The following TMPRSS15 variants were observed in gnomAD, a reference collection of about 807,000 sequenced individuals.
TMPRSS15 encodes the protein transmembrane serine protease 15, also known as enteropeptidase.
Under a neutral mutation model 125.3 loss-of-function variants are expected in TMPRSS15, and 128 were observed. The observed-to-expected ratio is 1.02, with a 90% CI of 0.89 to 1.18. The LOEUF is 1.18. Ranked by LOEUF, TMPRSS15 falls within the 50% of genes most tolerant of loss-of-function variation. The probability of loss-of-function intolerance (pLI) is 0.00; values close to 1 mark genes in which losing one functional copy is unlikely to be tolerated. For synonymous variants in TMPRSS15, 446 were observed against 423.2 expected (o/e 1.05, Z -0.66); for missense variants, 1,283 against 1,212.7 (o/e 1.06, Z -0.86).
At chr21:18,463,246 CAAAAAAAAAAAAAAAAAA>C (rs57033426) in intron 1 of TMPRSS15, among the ~76,000 whole-genome samples, 1 of 11,518 alleles carries the variant, frequency 8.7e-5, no homozygotes, top group Non-Finnish European at 1.7e-4. Flanking sequence ...AAATGGAAAG[CAAAAAAAAAAAAAAAAAA>C]AAAAAAAAAA....
intron 24 of TMPRSS15, among the ~76,000 whole-genome samples, chr21:18,271,894 C>A (rs1445487459): frequency 1.3e-5 from 2 of 152,076 alleles, no homozygotes; most frequent in Non-Finnish European, 2.9e-5. Context: ...CATGTCCCTG[C>A]AAATGACGTG....
intron 1 of TMPRSS15, among the ~76,000 whole-genome samples, chr21:18,408,959 T>C (rs1006550841): frequency 6.6e-6 from 1 of 152,072 alleles, no homozygotes; most frequent in African/African-American, 2.4e-5. Flanking sequence ...CAATTTTAAT[T>C]GAGTATGTAT....
upstream of TMPRSS15, among the ~76,000 whole-genome samples, chr21:18,407,141 T>C (rs949276643): frequency 2.6e-5 from 4 of 152,114 alleles, no homozygotes; most frequent in Admixed American, 2.6e-4. Context: ...AAAATCCGTA[T>C]GATGGTTACT....
intron 6 of TMPRSS15, among the ~76,000 whole-genome samples, chr21:18,368,172 TA>T (rs891774932): frequency 2.0e-5 from 3 of 152,188 alleles, no homozygotes; most frequent in Non-Finnish European, 4.4e-5. Flanking sequence ...GTAAAGCTGA[TA>T]AAATTTTAGT....
At chr21:18,446,777 T>C (rs1247891261) in intron 1 of TMPRSS15, among the ~76,000 whole-genome samples, 1 of 152,164 alleles carries the variant, frequency 6.6e-6, no homozygotes, top group East Asian at 1.9e-4. Context: ...CTCTCATCAG[T>C]TGCAAAATCA....
chr21:18,281,823 C>A (rs942210753), intron 21 of TMPRSS15, among the ~76,000 whole-genome samples: 2 of 151,986 alleles, frequency 1.3e-5, no homozygotes, highest in African/African-American at 4.8e-5. Flanking sequence ...ACAAGCCAGG[C>A]GCGGTGGCTC....
intron 1 of TMPRSS15, among the ~76,000 whole-genome samples, chr21:18,453,999 G>T (rs1367935888): frequency 1.3e-5 from 2 of 152,090 alleles, no homozygotes; most frequent in East Asian, 3.9e-4. Flanking sequence ...AGGGTAACAA[G>T]CAAATTCATA....
At chr21:18,286,958 CTCCT>C (rs1486712732) in intron 21 of TMPRSS15, among the ~76,000 whole-genome samples, 1 of 152,154 alleles carries the variant, frequency 6.6e-6, no homozygotes, top group Non-Finnish European at 1.5e-5. Flanking sequence ...GTGTAACATT[CTCCT>C]TCATTTCTTT....
intron 5 of TMPRSS15, among the ~76,000 whole-genome samples, chr21:18,372,968 C>T (rs1363169033): frequency 6.6e-6 from 1 of 152,118 alleles, no homozygotes; most frequent in Non-Finnish European, 1.5e-5. Flanking sequence ...AAGCCATATT[C>T]TTATATGCCT....
chr21:18,415,114 T>A (rs1384844202), intron 1 of TMPRSS15, among the ~76,000 whole-genome samples: 1 of 152,118 alleles, frequency 6.6e-6, no homozygotes, highest in Non-Finnish European at 1.5e-5. Context: ...GATTAGACAT[T>A]TTGAGCACTT....
At chr21:18,297,170 T>C (rs769764936) in intron 19 of TMPRSS15, among the ~76,000 whole-genome samples, 2 of 152,224 alleles carry the variant, frequency 1.3e-5, no homozygotes, top group Non-Finnish European at 2.9e-5. Flanking sequence ...ACAGGAAAGA[T>C]GCTGCTTTTT....
At chr21:18,475,756 C>T (rs1449128066) in intron 1 of TMPRSS15, among the ~76,000 whole-genome samples, 5 of 152,138 alleles carry the variant, frequency 3.3e-5, no homozygotes, top group Non-Finnish European at 5.9e-5. Context: ...CTTCATTAGT[C>T]ACGACTAGCA....
chr21:18,339,314 T>G (rs2075424438), intron 13 of TMPRSS15, among the ~76,000 whole-genome samples: 1 of 152,202 alleles, frequency 6.6e-6, no homozygotes, highest in Non-Finnish European at 1.5e-5. Context: ...GGGATCAATA[T>G]GACAATATAA....
intron 1 of TMPRSS15, among the ~76,000 whole-genome samples, chr21:18,474,486 C>T (rs1265545886): frequency 1.3e-5 from 2 of 151,982 alleles, no homozygotes; most frequent in Non-Finnish European, 2.9e-5. Context: ...GATGGGGTTT[C>T]ACTATGTTGG....
chr21:18,476,068 G>A (rs2123287664), intron 1 of TMPRSS15, among the ~76,000 whole-genome samples: 1 of 152,222 alleles, frequency 6.6e-6, no homozygotes, highest in South Asian at 2.1e-4. Context: ...CCAAAGAAGT[G>A]TTTGACATAA....
At chr21:18,398,068 TG>T in intron 2 of TMPRSS15, 122 bp from the exon 3 acceptor site, 1 of 1,260,134 alleles carries the variant, frequency 7.9e-7, no homozygotes, top group Non-Finnish European at 1.1e-6. Context: ...TCCATAGTAA[TG>T]GGGCTCATAC....
intron 6 of TMPRSS15, among the ~76,000 whole-genome samples, chr21:18,365,665 T>C (rs1385989679): frequency 7.7e-6 from 1 of 129,742 alleles, no homozygotes; most frequent in Non-Finnish European, 1.6e-5. Context: ...CTTCCTTCCT[T>C]CCTTCCTTCC....
In TMPRSS15 at chr21:18,291,372, C is replaced by A. The variant is rs116692137; in HGVS notation, c.2486+2898G>T. ...AAAGGACAATACCACGATAGAGAAA[C>A]CGAACAGGCACAGGGTTATTTAGAA... On this transcript the variant is annotated intron_variant, in intron 21 of 24. Transcript: ENST00000284885. Among the ~76,000 whole-genome samples, 1,171 of 152,280 alleles carry A rather than the reference C, an allele frequency of 7.7e-3. 9 individuals are homozygous for A. The highest frequency in any genetic ancestry group is 0.027 in the African/African-American group (1,128 of 41,566).
chr21:18,317,869 C>T (rs1462758719), intron 16 of TMPRSS15, among the ~76,000 whole-genome samples: 1 of 136,712 alleles, frequency 7.3e-6, no homozygotes, highest in Non-Finnish European at 1.6e-5. Flanking sequence ...CATCCCATCC[C>T]ATCCCATCCC....
Sources: gnomAD v4.1 joint callset for allele counts (sites outside exome capture counted in the v4.1 genomes callset) on GRCh38, gnomAD v4.1.1 for gene constraint, MANE v1.5 for transcripts, NCBI Gene and HGNC (gene_info 2026-07-23, HGNC 2026-07-21) for gene names.